The following ANKHD1 variants were observed in gnomAD, a reference collection of about 807,000 sequenced individuals.
ANKHD1 encodes the protein ankyrin repeat and KH domain containing 1, also known as ankyrin repeat and KH domain-containing protein 1.
ANKHD1 carries 31 observed loss-of-function variants against 230.5 expected under a neutral mutation model. The ratio of observed to expected loss-of-function variants is 0.13; its 90% CI spans 0.10 to 0.18. The LOEUF (loss-of-function observed/expected upper bound fraction) is 0.18, where lower values mean the gene tolerates loss of function less well. ANKHD1 is among the 10% of genes least tolerant of loss of function. ANKHD1 has a pLI of 1.00. For missense variants in ANKHD1, 2,256 were observed against 3,071.3 expected (o/e 0.73, Z 6.27); for synonymous variants, 1,074 against 1,117.6 (o/e 0.96, Z 0.78).
In ANKHD1 at chr5:140,484,261, A is replaced by G. The variant is rs192014674; in HGVS notation, c.1871-860A>G. On this transcript the variant is annotated intron_variant, in intron 11 of 33. Coordinates refer to ENST00000360839, the MANE Select transcript of ANKHD1 (RefSeq NM_017747.3). ...TTAAGAAGGAAGAATGAATATTTCT[A>G]TAGTCTTAACTTTCTAGTTGAGATC... Among the ~76,000 whole-genome samples the G allele has an allele frequency of 1.5e-3, 236 of 152,354 alleles. 4 individuals carry two copies. The Middle Eastern group carries it at 0.017, about 11-fold the overall frequency.
At chr5:140,430,264 C>T (rs895218024) in intron 1 of ANKHD1, among the ~76,000 whole-genome samples, 18 of 152,108 alleles carry the variant, frequency 1.2e-4, no homozygotes, top group African/African-American at 4.3e-4. Context: ...TTCCTCCACC[C>T]TTTATTCTTG....
In ANKHD1 at chr5:140,510,185, AT is replaced by A; in HGVS notation, c.4104+7del. 1.3e-6 allele frequency: 2 copies of A among 1,595,678 alleles called. No individual in the cohort carries two copies. The highest frequency in any genetic ancestry group is 2.3e-5 in the South Asian group (2 of 88,734). ...TCTTATGTCAGCATTTCGCAAGGTAATTTGATATGGGGGAAGAAAGGTCAAT... is the reference window on the plus strand; with the variant it reads ...TCTTATGTCAGCATTTCGCAAGGTAATTGATATGGGGGAAGAAAGGTCAAT... On this transcript the variant is annotated splice_donor_5th_base_variant and intron_variant, in intron 22 of 33. Transcript: ENST00000360839.
chr5:140,520,794 G>A (rs865843922), intron 24 of ANKHD1, among the ~76,000 whole-genome samples: 1 of 120,234 alleles, frequency 8.3e-6, no homozygotes, highest in African/African-American at 3.1e-5. Flanking sequence ...TGGGGGGGAG[G>A]GGGGAGGGAT....
At chr5:140,464,570 A>G in intron 9 of ANKHD1, 97 bp from the exon 10 acceptor site, 1 of 1,042,214 alleles carries the variant, frequency 9.6e-7, no homozygotes, top group Non-Finnish European at 1.3e-6. Context: ...TGATATTTTC[A>G]CATTTTGAAT....
intron 10 of ANKHD1, among the ~76,000 whole-genome samples, chr5:140,473,835 A>G (rs1750809273): frequency 6.6e-6 from 1 of 152,144 alleles, no homozygotes. Flanking sequence ...GTAATTGTAA[A>G]TCTTTCTCTC....
At chr5:140,425,142 A>T (rs948583022) in intron 1 of ANKHD1, among the ~76,000 whole-genome samples, 2 of 152,214 alleles carry the variant, frequency 1.3e-5, no homozygotes, top group Non-Finnish European at 2.9e-5. Flanking sequence ...TTTGTGTTCG[A>T]GCAAAGTGGG....
intron 15 of ANKHD1, among the ~76,000 whole-genome samples, chr5:140,503,407 T>C (rs1205855676): frequency 3.9e-5 from 6 of 152,080 alleles, no homozygotes. Flanking sequence ...CTGTGTTAAA[T>C]GCTTTATATA....
intron 22 of ANKHD1, among the ~76,000 whole-genome samples, chr5:140,510,818 C>CGTGTGT (rs57422934): frequency 1.3e-5 from 2 of 149,080 alleles, no homozygotes; most frequent in African/African-American, 4.9e-5. Context: ...CTTCTGTGTG[C>CGTGTGT]GTGTGTGTGT....
intron 24 of ANKHD1, among the ~76,000 whole-genome samples, chr5:140,520,662 A>G (rs1479925029): frequency 6.6e-6 from 1 of 151,730 alleles, no homozygotes; most frequent in South Asian, 2.1e-4. Context: ...CATCATTCTC[A>G]GTAAACTATT....
chr5:140,505,591 GT>G, intron 17 of ANKHD1, 132 bp from the exon 18 acceptor site: 1 of 1,346,798 alleles, frequency 7.4e-7, no homozygotes, highest in Non-Finnish European at 9.8e-7. Flanking sequence ...GTTTAGAGCA[GT>G]TTTATGTTAA....
intron 10 of ANKHD1, among the ~76,000 whole-genome samples, chr5:140,467,533 G>C (rs1439102867): frequency 6.6e-6 from 1 of 152,186 alleles, no homozygotes; most frequent in Non-Finnish European, 1.5e-5. Context: ...TGCACAATGA[G>C]CATGCCTGTG....
In ANKHD1 at chr5:140,458,738, A is replaced by G. The variant is rs778350646; in HGVS notation, c.1356A>G (p.Glu452=). 24 of 1,613,498 alleles carry G rather than the reference A, an allele frequency of 1.5e-5. No homozygotes were observed. Among genetic ancestry groups the G allele is most frequent in the Middle Eastern group, 3.3e-4 (2 of 6,058 alleles). ...LTLAACGGHV[E]LAALLIERGA... The stretch of plus-strand genomic sequence containing the variant: ...TAGCTGCCTGTGGAGGACATGTTGA[A>G]TTGGCAGCTCTACTTATTGAAAGGG... Residue 452 remains glutamate, a synonymous_variant, in exon 8 of 34, where the codon GAA becomes GAG. Transcript: ENST00000360839.
intron 20 of ANKHD1, among the ~76,000 whole-genome samples, 186 bp from the exon 21 acceptor site, chr5:140,509,448 TCTA>T (rs1427175261): frequency 6.6e-6 from 1 of 152,242 alleles, no homozygotes; most frequent in Non-Finnish European, 1.5e-5. Context: ...TCTAACAATT[TCTA>T]CTGCTGTTTA....
At position 140,497,160 on chromosome 5, in the gene ANKHD1, A is replaced by G; in HGVS notation, c.2886A>G (p.Gly962=). 1 of 1,614,098 alleles carries G rather than the reference A, an allele frequency of 6.2e-7. No homozygotes were observed. The highest frequency in any genetic ancestry group is 8.5e-7 in the Non-Finnish European group (1 of 1,180,016). ...QKVSGNQQIV[G]QPQIAITGHD... The stretch of plus-strand genomic sequence containing the variant: ...TATCAGGTAATCAGCAGATTGTAGG[A>G]CAGCCTCAGATTGCTATTACTGGAC... The change falls in exon 15 of 34, where the codon GGA becomes GGG. Residue 962 remains glycine (G), a synonymous_variant. Coordinates refer to ENST00000360839, the MANE Select transcript of ANKHD1 (RefSeq NM_017747.3).
chr5:140,486,685 A>G (rs1255627732), intron 13 of ANKHD1: 1 of 217,040 alleles, frequency 4.6e-6, no homozygotes, highest in African/African-American at 2.3e-5. Context: ...ACCCCTAGCT[A>G]CAATTGGAAC....
At chr5:140,452,650 T>G (rs1055341904) in intron 7 of ANKHD1, among the ~76,000 whole-genome samples, 1 of 152,200 alleles carries the variant, frequency 6.6e-6, no homozygotes, top group Non-Finnish European at 1.5e-5. Flanking sequence ...GACCTGCAGC[T>G]GAGGGTCCTG....
At chr5:140,487,612 C>G in intron 14 of ANKHD1, among the ~76,000 whole-genome samples, 1 of 152,112 alleles carries the variant, frequency 6.6e-6, no homozygotes, top group East Asian at 1.9e-4. Flanking sequence ...GGAGAGTATA[C>G]TACTTAAAAA....
intron 6 of ANKHD1, 74 bp downstream of exon 6, chr5:140,446,049 GTTTAC>G (rs939559342): frequency 8.8e-6 from 12 of 1,362,488 alleles, no homozygotes; most frequent in Non-Finnish European, 1.2e-5. Flanking sequence ...GAGTATTTGA[GTTTAC>G]TTTATATTGC....
chr5:140,519,163 G>C (rs1753194448), intron 24 of ANKHD1, among the ~76,000 whole-genome samples: 1 of 152,144 alleles, frequency 6.6e-6, no homozygotes, highest in African/African-American at 2.4e-5. Context: ...AATCATGAGT[G>C]AACTCCCATT....
Sources: gnomAD v4.1 joint callset for allele counts (sites outside exome capture counted in the v4.1 genomes callset) on GRCh38, gnomAD v4.1.1 for gene constraint, MANE v1.5 for transcripts, NCBI Gene and HGNC (gene_info 2026-07-23, HGNC 2026-07-21) for gene names.